PTPRN2: variants seen among roughly 807,000 people sequenced by gnomAD.
PTPRN2 encodes receptor-type tyrosine-protein phosphatase N2.
A neutral mutation model predicts 118.8 loss-of-function variants in PTPRN2; 74 were observed. That is an observed-to-expected ratio of 0.62 (90% CI 0.52 to 0.76). PTPRN2 has a LOEUF of 0.76. Among genes scored for constraint, PTPRN2 ranks in the 30% least tolerant of loss-of-function variants. PTPRN2 has a pLI of 0.00. For synonymous variants in PTPRN2, 641 were observed against 608.0 expected, an observed-to-expected ratio of 1.05 and a Z score of -0.80; for missense variants, 1,481 against 1,394.4, an observed-to-expected ratio of 1.06 and a Z score of -0.99.
chr7:157,946,038 C>T (rs1352883940), intron 11 of PTPRN2, among the ~76,000 whole-genome samples: 1 of 152,164 alleles, frequency 6.6e-6, no homozygotes, highest in Non-Finnish European at 1.5e-5. Flanking sequence ...GCTAAAGATT[C>T]CTAATCTGGC....
At chr7:158,487,710 G>A (rs1294804707) in intron 2 of PTPRN2, among the ~76,000 whole-genome samples, 1 of 152,062 alleles carries the variant, frequency 6.6e-6, no homozygotes, top group Non-Finnish European at 1.5e-5. Flanking sequence ...CCCCTGGCCC[G>A]CCAGCCTCGG....
intron 1 of PTPRN2, among the ~76,000 whole-genome samples, chr7:158,513,442 T>C (rs1563378233): frequency 6.6e-6 from 1 of 152,230 alleles, no homozygotes; most frequent in Non-Finnish European, 1.5e-5. Context: ...TAAGGAAATC[T>C]AAATAAAGTA....
intron 12 of PTPRN2, among the ~76,000 whole-genome samples, chr7:157,891,546 G>A (rs1419174904): frequency 3.4e-5 from 5 of 148,874 alleles, no homozygotes; most frequent in Non-Finnish European, 1.5e-5. Context: ...TTCATGGGGT[G>A]GATTCTCACA....
At chr7:158,332,170 T>C (rs1236684474) in intron 2 of PTPRN2, among the ~76,000 whole-genome samples, 514 of 111,432 alleles carry the variant, frequency 4.6e-3, no homozygotes, top group African/African-American at 0.013. Context: ...GTCACTCACA[T>C]CCACACTCTC....
At chr7:157,644,179 G>C (rs1438321122) in intron 14 of PTPRN2, among the ~76,000 whole-genome samples, 1 of 152,214 alleles carries the variant, frequency 6.6e-6, no homozygotes. Flanking sequence ...GAGGCCACTG[G>C]GGTTGGCCCC....
intron 12 of PTPRN2, among the ~76,000 whole-genome samples, chr7:157,733,151 T>C (rs1207440098): frequency 2.7e-5 from 1 of 37,554 alleles, no homozygotes; most frequent in African/African-American, 1.3e-4. Flanking sequence ...CTCTTTCCCG[T>C]CCCAGGCGCC....
intron 2 of PTPRN2, among the ~76,000 whole-genome samples, chr7:158,392,454 G>A (rs1453735396): frequency 6.6e-6 from 1 of 152,198 alleles, no homozygotes; most frequent in Non-Finnish European, 1.5e-5. Flanking sequence ...AGCGTTGTCT[G>A]GGGAACCATC....
chr7:157,765,322 C>G (rs1446417583), intron 12 of PTPRN2, among the ~76,000 whole-genome samples: 1 of 151,488 alleles, frequency 6.6e-6, no homozygotes, highest in African/African-American at 2.4e-5. Context: ...CTTCATCCAT[C>G]CCTCCATCAT....
intron 12 of PTPRN2, among the ~76,000 whole-genome samples, chr7:157,804,751 G>C (rs554483099): frequency 6.6e-6 from 1 of 152,284 alleles, no homozygotes; most frequent in South Asian, 2.1e-4. Context: ...AGCAAGATCT[G>C]ACACCTTCTG....
chr7:158,555,402 C>T lies in PTPRN2; in HGVS notation c.112+32156G>A, dbSNP rs1290214642. 6.6e-6 allele frequency among the ~76,000 whole-genome samples: 1 copy of T among 152,146 alleles called. No homozygotes were observed. Among genetic ancestry groups the T allele is most frequent in the Non-Finnish European group, 1.5e-5 (1 of 68,024 alleles). Reference sequence around the variant, plus strand: ...CAGCATCCACGGCTCAGTGGTGCCCCTCGCCCCCACCGCTCTGCCCTGCCT... The same window carrying T: ...CAGCATCCACGGCTCAGTGGTGCCCTTCGCCCCCACCGCTCTGCCCTGCCT... On this transcript the variant is annotated intron_variant, in intron 1 of 22. Transcript: ENST00000389418. This position sits in a 1 kb window ranked among gnomAD's most constrained non-coding sequence, Gnocchi z 4.7.
chr7:157,633,744 G>T (rs1233696054), intron 14 of PTPRN2, among the ~76,000 whole-genome samples: 4 of 152,192 alleles, frequency 2.6e-5, no homozygotes, highest in African/African-American at 9.7e-5. Context: ...TGGCCACTCC[G>T]GGAGGAGGGA....
At chr7:157,982,036 C>T (rs1803213178) in intron 11 of PTPRN2, among the ~76,000 whole-genome samples, 1 of 150,334 alleles carries the variant, frequency 6.7e-6, no homozygotes. Context: ...TGGGGTTCCC[C>T]CCCAAACCCC....
intron 1 of PTPRN2, among the ~76,000 whole-genome samples, chr7:158,557,270 C>T (rs1220050383): frequency 1.3e-5 from 2 of 148,910 alleles, no homozygotes; most frequent in African/African-American, 5.0e-5. Flanking sequence ...GGCTCCCGCG[C>T]AGGTCAGGCG....
chr7:157,826,025 G>A (rs915518632), intron 12 of PTPRN2, among the ~76,000 whole-genome samples: 1 of 152,188 alleles, frequency 6.6e-6, no homozygotes, highest in Non-Finnish European at 1.5e-5. Flanking sequence ...AAGGGGTCAG[G>A]CAATCCCCTC....
intron 10 of PTPRN2, among the ~76,000 whole-genome samples, chr7:158,109,845 G>A (rs934624876): frequency 2.6e-5 from 4 of 151,850 alleles, no homozygotes; most frequent in Non-Finnish European, 5.9e-5. Flanking sequence ...AAGAGTCAGT[G>A]AGTGAATGAC....
chr7:158,262,122 C>T (rs1797443229), intron 3 of PTPRN2, among the ~76,000 whole-genome samples: 1 of 152,186 alleles, frequency 6.6e-6, no homozygotes. Context: ...GGGTCACACC[C>T]TCGAGGCCAC....
At position 158,538,968 on chromosome 7, in the gene PTPRN2, A is replaced by AC. The variant is rs1194312245; in HGVS notation, c.112+48589dup. Among the ~76,000 whole-genome samples, 9 of 152,068 alleles carry AC rather than the reference A, an allele frequency of 5.9e-5. No homozygotes were observed. In the East Asian group the frequency reaches 9.7e-4, roughly 16 times the overall value. On this transcript the variant is annotated intron_variant, in intron 1 of 22. Transcript: ENST00000389418. ...ACCTGCTGGAAGTGAGGCAGCACGA[A>AC]CCCCCCAGGGCTCAGCTCTCCAAAT...
At chr7:157,867,919 C>T (rs1469625354) in intron 12 of PTPRN2, among the ~76,000 whole-genome samples, 1 of 152,118 alleles carries the variant, frequency 6.6e-6, no homozygotes, top group Non-Finnish European at 1.5e-5. Context: ...CCCAGCATGC[C>T]CCCAGAGTCC....
At position 158,526,803 on chromosome 7, in the gene PTPRN2, T is replaced by A. The variant is rs1355775288; in HGVS notation, c.113-37018A>T. On this transcript the variant is annotated intron_variant, in intron 1 of 22. Coordinates refer to ENST00000389418, the MANE Select transcript of PTPRN2 (RefSeq NM_002847.5). This position sits in a 1 kb window ranked among gnomAD's most constrained non-coding sequence, Gnocchi z 5.2. ...TCTGCCAGCCAAGGGGAGAGGCCTC[T>A]GGGGGAACCTGCCCTGCCGTGCTCT... 1.3e-5 allele frequency among the ~76,000 whole-genome samples: 2 copies of A among 152,056 alleles called. No individual in the cohort carries two copies. Among genetic ancestry groups the A allele is most frequent in the Non-Finnish European group, 2.9e-5 (2 of 67,984 alleles).
Sources: allele counts gnomAD v4.1 joint callset (sites outside exome capture counted in the v4.1 genomes callset), GRCh38; gene constraint gnomAD v4.1.1; non-coding constraint Gnocchi (gnomAD v3.1); transcripts MANE v1.5; gene names NCBI Gene and HGNC (gene_info 2026-07-23, HGNC 2026-07-21).